Variants in TRDMT1 observed in about 807,000 individuals in gnomAD.
TRDMT1 encodes the protein tRNA aspartic acid methyltransferase 1, also known as tRNA (cytosine(38)-C(5))-methyltransferase.
In TRDMT1, 49 loss-of-function variants were observed where a neutral mutation model predicts 51.2. That is an observed-to-expected ratio of 0.96 (90% confidence interval 0.76 to 1.21). The LOEUF (loss-of-function observed/expected upper bound fraction) is 1.21, where lower values mean the gene tolerates loss of function less well. Among genes scored for constraint, TRDMT1 ranks in the 50% most tolerant of loss-of-function variants. The pLI, the probability that TRDMT1 is intolerant of heterozygous loss-of-function variation, is 0.00. For missense variants in TRDMT1, 534 were observed against 462.3 expected, an observed-to-expected ratio of 1.16 and a Z score of -1.42; for synonymous variants, 187 against 164.6, an observed-to-expected ratio of 1.14 and a Z score of -1.04.
intron 9 of TRDMT1, among the ~76,000 whole-genome samples, chr10:17,154,169 G>A (rs1417202216): frequency 6.6e-6 from 1 of 152,090 alleles, no homozygotes; most frequent in African/African-American, 2.4e-5. Flanking sequence ...CAGTATAAAA[G>A]ATAATGTGAT....
chr10:17,170,299 T>C (rs185749438), intron 2 of TRDMT1, among the ~76,000 whole-genome samples: 26 of 152,320 alleles, frequency 1.7e-4, no homozygotes, highest in Non-Finnish European at 3.2e-4. Context: ...CCTGGTATTC[T>C]AGGTCAATGA....
chr10:17,147,834 G>A lies in TRDMT1; in HGVS notation c.*1206C>T, dbSNP rs991279513. 8.4e-6 allele frequency: 2 copies of A among 238,674 alleles called. No homozygotes were observed. The highest frequency in any genetic ancestry group is 1.4e-5 in the Non-Finnish European group (2 of 147,420). The allele number at this position is 238,674 out of a possible 1,614,324, so 14.8% of individuals were successfully genotyped here. ...AATTCTTTTGGATCTATAGCCAGAGGTGGAATCGCTGAATCATAGGGTAAT... is the reference window on the plus strand; with the variant it reads ...AATTCTTTTGGATCTATAGCCAGAGATGGAATCGCTGAATCATAGGGTAAT... On this transcript the variant is annotated 3_prime_UTR_variant, in exon 11 of 11. Coordinates refer to ENST00000377799, the MANE Select transcript of TRDMT1 (RefSeq NM_004412.7).
intron 10 of TRDMT1, 106 bp from the exon 11 acceptor site, chr10:17,149,246 T>A: frequency 3.7e-6 from 3 of 802,290 alleles, no homozygotes; most frequent in Non-Finnish European, 5.9e-6. Context: ...CATAAGTAAA[T>A]CACTAAGGTC....
At chr10:17,157,985 G>T (rs1033573196) in intron 7 of TRDMT1, among the ~76,000 whole-genome samples, 1 of 152,132 alleles carries the variant, frequency 6.6e-6, no homozygotes, top group Non-Finnish European at 1.5e-5. Context: ...TCAGGCTGCA[G>T]ATGATTTATT....
In TRDMT1 at chr10:17,174,655, A is replaced by T; in HGVS notation, c.70T>A (p.Cys24Ser). ...GGMHHALRES[C>S]IPAQVVAAID... Reference sequence around the variant, plus strand: ...GCAGCCACCACTTGTGCAGGTATACAGCTTTCTGTAATGATAAATGGAGTA... The same window carrying T: ...GCAGCCACCACTTGTGCAGGTATACTGCTTTCTGTAATGATAAATGGAGTA... The change falls in exon 2 of 11, where the codon TGT becomes AGT. Residue 24 changes from cysteine to serine, a missense_variant. Physicochemically the swap from Cys to Ser is moderately radical, Grantham distance 112 (BLOSUM62 -1). Transcript: ENST00000377799. 6.2e-7 allele frequency: 1 copy of T among 1,611,784 alleles called. No homozygotes were observed. The highest frequency in any genetic ancestry group is 8.5e-7 in the Non-Finnish European group (1 of 1,178,018).
At position 17,161,738 on chromosome 10, in the gene TRDMT1, T is replaced by C. The variant is rs117643444; in HGVS notation, c.324-190A>G. Among the ~76,000 whole-genome samples the C allele has an allele frequency of 2.8e-3, 433 of 152,354 alleles. 3 individuals carry two copies. Among genetic ancestry groups the C allele is most frequent in the Non-Finnish European group, 3.9e-3 (265 of 68,026 alleles). On this transcript the variant is annotated intron_variant, in intron 4 of 10. Coordinates refer to ENST00000377799, the MANE Select transcript of TRDMT1 (RefSeq NM_004412.7). ...TTAAACACAGCACACTTGATAAAGT[T>C]AACATTTGAAATGTTGATTTCCATT...
At chr10:17,150,594 G>T (rs1423615423) in intron 10 of TRDMT1, 2 of 985,034 alleles carry the variant, frequency 2.0e-6, no homozygotes, top group Admixed American at 6.2e-5. Flanking sequence ...GCATACTCTA[G>T]CATAGCAAGG....
chr10:17,155,656 TTCTC>T (rs768795979), intron 8 of TRDMT1, among the ~76,000 whole-genome samples: 139 of 152,334 alleles, frequency 9.1e-4, no homozygotes, highest in Non-Finnish European at 1.8e-3. Context: ...TTAGCAGTAT[TTCTC>T]TCTCTAAGAT....
rs369053966 is a variant in TRDMT1 at position 17,159,143 on chromosome 10, T to C, written c.543+3A>G. 1.3e-6 allele frequency: 2 copies of C among 1,567,504 alleles called. No homozygotes were observed. The highest frequency in any genetic ancestry group is 1.7e-6 in the Non-Finnish European group (2 of 1,156,332). ...ATTCATAATAAAATTCCAATAATAA[T>C]ACCTGACCAGGGGCTTGAAAGGGTA... On this transcript the variant is annotated splice_donor_region_variant and intron_variant, in intron 7 of 10. Coordinates refer to ENST00000377799, the MANE Select transcript of TRDMT1 (RefSeq NM_004412.7).
At chr10:17,183,792 C>T (rs545981459) in intron 1 of TRDMT1, among the ~76,000 whole-genome samples, 4 of 152,132 alleles carry the variant, frequency 2.6e-5, no homozygotes, top group African/African-American at 7.2e-5. Flanking sequence ...GAATTCAATG[C>T]TGCTCTTGGT....
At chr10:17,194,441 A>C (rs1490936533) in intron 1 of TRDMT1, among the ~76,000 whole-genome samples, 1 of 152,130 alleles carries the variant, frequency 6.6e-6, no homozygotes, top group Non-Finnish European at 1.5e-5. Flanking sequence ...AATCTAAAAG[A>C]AACTTAAACA....
chr10:17,185,113 A>G (rs916990550), intron 1 of TRDMT1, among the ~76,000 whole-genome samples: 3 of 152,220 alleles, frequency 2.0e-5, no homozygotes, highest in African/African-American at 4.8e-5. Flanking sequence ...GTTAATAACT[A>G]TAATAGGACA....
In TRDMT1 at chr10:17,144,015, G is replaced by C. The variant is rs1331205770; in HGVS notation, c.*5025C>G. ...AGGACTTAGGAAAACAGCAGATTTA[G>C]AGTCATCTGGGTGTCATCGGCAAAA... On this transcript the variant is annotated 3_prime_UTR_variant, in exon 11 of 11. Coordinates refer to ENST00000377799, the MANE Select transcript of TRDMT1 (RefSeq NM_004412.7). 10 of 985,318 alleles carry C rather than the reference G, an allele frequency of 1.0e-5. No individual in the cohort carries two copies. The highest frequency in any genetic ancestry group is 1.2e-5 in the Non-Finnish European group (10 of 829,944). The allele number at this position is 985,318 out of a possible 1,614,324, so 61.0% of individuals were successfully genotyped here. A position where few individuals can be genotyped will look rare whatever the true frequency, so the allele number is the denominator to read the frequency against.
At chr10:17,194,479 C>T (rs1221640091) in intron 1 of TRDMT1, among the ~76,000 whole-genome samples, 1 of 152,048 alleles carries the variant, frequency 6.6e-6, no homozygotes, top group Non-Finnish European at 1.5e-5. Context: ...CAAACAACCC[C>T]ACTTAAAAAC....
intron 3 of TRDMT1, among the ~76,000 whole-genome samples, chr10:17,166,695 CT>C (rs1413370658): frequency 6.6e-6 from 1 of 152,146 alleles, no homozygotes; most frequent in Non-Finnish European, 1.5e-5. Context: ...CTTATTTGTC[CT>C]TTCCTGTCAG....
Position 17,142,764 on chromosome 10 carries a change from T to C in TRDMT1, c.*6276A>G, listed in dbSNP as rs1024188086. On this transcript the variant is annotated 3_prime_UTR_variant, in exon 11 of 11. Transcript: ENST00000377799. ...AAACATCAAGCCTGGGTAACCTTCC[T>C]CTGTTGGGTGAGGGGTCAGATGTCT... 6.1e-6 allele frequency: 1 copy of C among 163,128 alleles called. No individual in the cohort carries two copies. The highest frequency in any genetic ancestry group is 2.4e-5 in the African/African-American group (1 of 41,610). The allele number at this position is 163,128 out of a possible 1,614,324, so 10.1% of individuals were successfully genotyped here.
At chr10:17,192,886 G>A (rs1335146229) in intron 1 of TRDMT1, among the ~76,000 whole-genome samples, 3 of 151,996 alleles carry the variant, frequency 2.0e-5, no homozygotes, top group African/African-American at 7.3e-5. Context: ...AAGAAAGTAG[G>A]CATCAAAGGA....
At position 17,147,307 on chromosome 10, in the gene TRDMT1, A is replaced by G. The variant is rs896040809; in HGVS notation, c.*1733T>C. On this transcript the variant is annotated 3_prime_UTR_variant, in exon 11 of 11. Transcript: ENST00000377799. ...ATGTAGATAGTGATAGTTTCTGTATATGGGCTGGCTTACAGCTTCCCTACA... is the reference window on the plus strand; with the variant it reads ...ATGTAGATAGTGATAGTTTCTGTATGTGGGCTGGCTTACAGCTTCCCTACA... 1 of 985,580 alleles carries G rather than the reference A, an allele frequency of 1.0e-6. No homozygotes were observed. Among genetic ancestry groups the G allele is most frequent in the African/African-American group, 1.7e-5 (1 of 57,366 alleles). 61.1% of individuals were successfully genotyped at this position (985,580 alleles called of 1,614,324 possible).
At position 17,143,496 on chromosome 10, in the gene TRDMT1, T is replaced by TC. The variant is rs1837850393; in HGVS notation, c.*5543dup. 1.0e-6 allele frequency: 1 copy of TC among 985,348 alleles called. No homozygotes were observed. Among genetic ancestry groups the TC allele is most frequent in the African/African-American group, 1.7e-5 (1 of 57,254 alleles). 61.0% of individuals were successfully genotyped at this position (985,348 alleles called of 1,614,324 possible). ...CATTCAGTGTTTTCAGTCATTTTTT[T>TC]CACATGTGAAATTTAACTGGACTTG... On this transcript the variant is annotated 3_prime_UTR_variant, in exon 11 of 11. Transcript: ENST00000377799.
Sources: allele counts gnomAD v4.1 joint callset (sites outside exome capture counted in the v4.1 genomes callset), GRCh38; gene constraint gnomAD v4.1.1; transcripts MANE v1.5; gene names NCBI Gene and HGNC (gene_info 2026-07-23, HGNC 2026-07-21).